Variants in ADCY3 observed in about 807,000 individuals in gnomAD.
ADCY3 encodes the protein adenylate cyclase 3.
Under a neutral mutation model 119.4 loss-of-function variants are expected in ADCY3, and 70 were observed. The ratio of observed to expected loss-of-function variants is 0.59; its 90% CI spans 0.48 to 0.72. The LOEUF (loss-of-function observed/expected upper bound fraction) is 0.72. Among genes scored for constraint, ADCY3 ranks in the 30% least tolerant of loss-of-function variants. ADCY3 has a pLI of 0.00. For missense variants in ADCY3, 1,238 were observed against 1,541.6 expected, an observed-to-expected ratio of 0.80 and a Z score of 3.30; for synonymous variants, 672 against 621.4, an observed-to-expected ratio of 1.08 and a Z score of -1.21.
In ADCY3 at chr2:24,834,039, G is replaced by A. The variant is rs13005072; in HGVS notation, c.1967+446C>T. 0.42 allele frequency among the ~76,000 whole-genome samples: 63,904 copies of A among 152,202 alleles called. 15,448 individuals carry two copies. The highest frequency in any genetic ancestry group is 0.61 in the East Asian group (3,139 of 5,168). On this transcript the variant is annotated intron_variant, in intron 11 of 21. Transcript: ENST00000679454. This position sits in a 1 kb window ranked among gnomAD's most constrained non-coding sequence, Gnocchi z 4.2. ...CAGGAGGCCACACCTTGCCCTGGAG[G>A]ACCTACTGCTGCGTTAGAGAGGGCG... is the stretch of plus-strand genomic sequence containing the variant.
chr2:24,827,321 C>G (rs1223077082), intron 15 of ADCY3, among the ~76,000 whole-genome samples: 1 of 152,198 alleles, frequency 6.6e-6, no homozygotes, highest in Non-Finnish European at 1.5e-5. Flanking sequence ...GCCTGTCTGT[C>G]CTGCCAGCCA....
intron 6 of ADCY3, 89 bp from the exon 7 acceptor site, chr2:24,840,120 G>A: frequency 4.6e-6 from 7 of 1,508,082 alleles, no homozygotes; most frequent in Non-Finnish European, 6.3e-6. Context: ...ATTCATTGTG[G>A]GCCTCTTCCC....
intron 2 of ADCY3, among the ~76,000 whole-genome samples, chr2:24,883,150 C>G (rs745881157): frequency 6.6e-5 from 10 of 152,102 alleles, no homozygotes; most frequent in Non-Finnish European, 1.0e-4. Context: ...GAGTTCAAGA[C>G]TAGCCTGGCC....
In ADCY3 at chr2:24,834,468, C is replaced by T. The variant is rs777604178; in HGVS notation, c.1967+17G>A. Reference sequence around the variant, plus strand: ...GCAGCCGAGGAAACTCGTGGCCCTCCCCGGCCCCTCCCTCACCAGGGGTCG... The same window carrying T: ...GCAGCCGAGGAAACTCGTGGCCCTCTCCGGCCCCTCCCTCACCAGGGGTCG... On this transcript the variant is annotated intron_variant, in intron 11 of 21. Coordinates refer to ENST00000679454, the MANE Select transcript of ADCY3 (RefSeq NM_004036.5). The surrounding 1 kb of genome is among the most constrained non-coding windows in gnomAD (Gnocchi z 4.2). 1 of 1,591,118 alleles carries T rather than the reference C, an allele frequency of 6.3e-7. No individual in the cohort carries two copies. Among genetic ancestry groups the T allele is most frequent in the Non-Finnish European group, 8.6e-7 (1 of 1,167,326 alleles).
At position 24,918,787 on chromosome 2, in the gene ADCY3, C is replaced by T; in HGVS notation, c.201G>A (p.Gln67=). 6.2e-7 allele frequency: 1 copy of T among 1,614,000 alleles called. No individual in the cohort carries two copies. The highest frequency in any genetic ancestry group is 8.5e-7 in the Non-Finnish European group (1 of 1,180,028). The change falls in exon 2 of 22, where the codon CAG becomes CAA. Residue 67 remains glutamine (Q), a synonymous_variant. Transcript: ENST00000679454. This position sits in a 1 kb window ranked among gnomAD's most constrained non-coding sequence, Gnocchi z 5.4. The stretch of plus-strand genomic sequence containing the variant: ...CGTGGCGCTGCCTTTTGAAGTAGGT[C>T]TGGTAGAGGTTCTCCAAGGACTCCG... The part of the protein sequence containing the change: ...FVPESLENLY[Q]TYFKRQRHET...
In ADCY3 at chr2:24,876,856, C is replaced by A. The variant is rs1434438837; in HGVS notation, c.676-4137G>T. Among the ~76,000 whole-genome samples, 3 of 152,208 alleles carry A rather than the reference C, an allele frequency of 2.0e-5. No individual in the cohort carries two copies. In the South Asian group the frequency reaches 6.2e-4, roughly 32 times the overall value. On this transcript the variant is annotated intron_variant, in intron 2 of 21. Transcript: ENST00000679454. ...ACCATGACACATGGGTTTCTCTGCA[C>A]CAGGCCTTGAGCTCTGCTGATCTGG...
intron 3 of ADCY3, among the ~76,000 whole-genome samples, chr2:24,847,579 G>A (rs923908633): frequency 6.6e-6 from 1 of 152,186 alleles, no homozygotes; most frequent in Non-Finnish European, 1.5e-5. Flanking sequence ...TAGCAACTTA[G>A]GCAGCCTTGG....
At chr2:24,833,413 G>A (rs988436531) in intron 11 of ADCY3, among the ~76,000 whole-genome samples, 1 of 152,128 alleles carries the variant, frequency 6.6e-6, no homozygotes, top group African/African-American at 2.4e-5. Flanking sequence ...CCCCTCACCC[G>A]CTTCCAGGCG....
chr2:24,826,013 C>T lies in ADCY3; in HGVS notation c.2577+32G>A, dbSNP rs751792738. ...CTCAGGAGGCCCTGTGGGCTGTGGG[C>T]ACAGAGCGGGGATCGTGCAGGCGGC... is the stretch of plus-strand genomic sequence containing the variant. On this transcript the variant is annotated intron_variant, in intron 16 of 21. Coordinates refer to ENST00000679454, the MANE Select transcript of ADCY3 (RefSeq NM_004036.5). 6.2e-6 allele frequency: 10 copies of T among 1,607,906 alleles called. No individual in the cohort carries two copies. In the East Asian group the frequency reaches 2.2e-4, roughly 36 times the overall value.
At chr2:24,903,778 A>G (rs1246115060) in intron 2 of ADCY3, among the ~76,000 whole-genome samples, 1 of 152,188 alleles carries the variant, frequency 6.6e-6, no homozygotes, top group Non-Finnish European at 1.5e-5. Flanking sequence ...AGGGAGCGCC[A>G]TGATCCCTTT....
rs1350471022 is a variant in ADCY3 at position 24,918,305 on chromosome 2, G to A, written c.675+8C>T. On this transcript the variant is annotated splice_region_variant and intron_variant, in intron 2 of 21. Coordinates refer to ENST00000679454, the MANE Select transcript of ADCY3 (RefSeq NM_004036.5). This position sits in a 1 kb window ranked among gnomAD's most constrained non-coding sequence, Gnocchi z 5.4. ...GGACGCTGTGGGGGGACAGTGGGCAGGACTCACCTCCCGCAGCAGCTGCAT... is the reference window on the plus strand; with the variant it reads ...GGACGCTGTGGGGGGACAGTGGGCAAGACTCACCTCCCGCAGCAGCTGCAT... 4 of 1,550,796 alleles carry A rather than the reference G, an allele frequency of 2.6e-6. No individual in the cohort carries two copies. The East Asian group carries it at 6.8e-5, about 26-fold the overall frequency.
chr2:24,847,385 A>G (rs149625668), intron 3 of ADCY3, among the ~76,000 whole-genome samples: 2 of 152,340 alleles, frequency 1.3e-5, no homozygotes, highest in East Asian at 3.9e-4. Flanking sequence ...TATCAGCAGC[A>G]TGAATGTGGA....
At chr2:24,838,099 C>T (rs1670528521) in intron 8 of ADCY3, among the ~76,000 whole-genome samples, 1 of 150,020 alleles carries the variant, frequency 6.7e-6, no homozygotes, top group African/African-American at 2.5e-5. Flanking sequence ...TGAGCATCCA[C>T]GTCACTCCTG....
rs575101509 is a variant in ADCY3, at chr2:24,862,374, G to A, written c.825+10196C>T. ...ATCCTGGCTAACACGGTGAAACCCC[G>A]TCTCTACTAAAAATACAAAATATTT... On this transcript the variant is annotated intron_variant, in intron 3 of 21. Coordinates refer to ENST00000679454, the MANE Select transcript of ADCY3 (RefSeq NM_004036.5). Among the ~76,000 whole-genome samples the A allele has an allele frequency of 3.4e-4, 52 of 152,162 alleles. 1 individual carries two copies. The South Asian group carries it at 7.3e-3, about 21-fold the overall frequency.
chr2:24,913,843 T>G (rs988765242), intron 2 of ADCY3, among the ~76,000 whole-genome samples: 1 of 152,224 alleles, frequency 6.6e-6, no homozygotes, highest in African/African-American at 2.4e-5. Flanking sequence ...AACAGGCTCT[T>G]CATTCCATGA....
chr2:24,896,808 T>C (rs1190214426), intron 2 of ADCY3, among the ~76,000 whole-genome samples: 3 of 152,194 alleles, frequency 2.0e-5, no homozygotes, highest in African/African-American at 7.2e-5. Flanking sequence ...ACCTTAGAAC[T>C]TGGTGTCTCC....
Position 24,837,013 on chromosome 2 carries a change from C to G in ADCY3, c.1566G>C (p.Lys522Asn), listed in dbSNP as rs763149031. Reference protein sequence around the residue: ...ALPNGAPASSKSSSPALIETK... With the variant: ...ALPNGAPASSNSSSPALIETK... ...TCTCAATGAGGGCAGGGGAGCTGGA[C>G]TTTGAGGAAGCTGGTGCTCCATTGG... Residue 522 changes from lysine (K) to asparagine (N), a missense_variant, in exon 9 of 22, where the codon AAG (lysine) becomes AAC (asparagine). Physicochemically the swap from Lys to Asn is moderately conservative, Grantham distance 94. Transcript: ENST00000679454. 6.2e-7 allele frequency: 1 copy of G among 1,614,036 alleles called. No individual in the cohort carries two copies. Among genetic ancestry groups the G allele is most frequent in the Non-Finnish European group, 8.5e-7 (1 of 1,180,020 alleles).
intron 3 of ADCY3, among the ~76,000 whole-genome samples, chr2:24,859,745 A>G (rs1260317938): frequency 6.6e-6 from 1 of 152,120 alleles, no homozygotes; most frequent in Non-Finnish European, 1.5e-5. Context: ...ATCCCTAGTA[A>G]CAGGTGACCC....
chr2:24,857,419 A>G (rs1197919486), intron 3 of ADCY3, among the ~76,000 whole-genome samples: 1 of 152,278 alleles, frequency 6.6e-6, no homozygotes, highest in Non-Finnish European at 1.5e-5. Flanking sequence ...CCTCTAGAAC[A>G]GCGCTAATAG....
Sources: allele counts gnomAD v4.1 joint callset (sites outside exome capture counted in the v4.1 genomes callset), GRCh38; gene constraint gnomAD v4.1.1; non-coding constraint Gnocchi (gnomAD v3.1); transcripts MANE v1.5; gene names NCBI Gene and HGNC (gene_info 2026-07-23, HGNC 2026-07-21).